Variants in BIRC6 observed in about 807,000 individuals in gnomAD.
BIRC6 encodes dual E2 ubiquitin-conjugating enzyme/E3 ubiquitin-protein ligase BIRC6.
Under a neutral mutation model 503.3 loss-of-function variants are expected in BIRC6, and 98 were observed. That is an observed-to-expected ratio of 0.19 (90% CI 0.17 to 0.23). The LOEUF is 0.23. Among genes scored for constraint, BIRC6 ranks in the 10% least tolerant of loss-of-function variants. BIRC6 has a pLI of 1.00. For synonymous variants in BIRC6, 2,240 were observed against 2,078.7 expected, an observed-to-expected ratio of 1.08 and a Z score of -2.11; for missense variants, 5,360 against 5,806.0, an observed-to-expected ratio of 0.92 and a Z score of 2.50.
intron 37 of BIRC6, 29 bp from the exon 38 acceptor site, chr2:32,481,291 C>T (rs747578102): frequency 1.2e-5 from 18 of 1,520,680 alleles, no homozygotes; most frequent in African/African-American, 1.4e-5. Flanking sequence ...ATACACTCCA[C>T]CAATAAGATC....
At chr2:32,530,621 C>CG (rs2056662984) in intron 60 of BIRC6, among the ~76,000 whole-genome samples, 1 of 320 alleles carries the variant, frequency 3.1e-3, no homozygotes, top group African/African-American at 0.012. Context: ...TGGTTGTTTC[C>CG]AATTTTTACT....
chr2:32,496,538 A>C lies in BIRC6; in HGVS notation c.8468+2871A>C, dbSNP rs139015181. Among the ~76,000 whole-genome samples the C allele has an allele frequency of 1.7e-3, 253 of 152,212 alleles. 2 individuals are homozygous for C. Among genetic ancestry groups the C allele is most frequent in the African/African-American group, 5.9e-3 (247 of 41,528 alleles). Reference sequence around the variant, plus strand: ...CACACCCAGCCTCATTTGTTCATACAGTGTATTATATAGAATTTATGTTTT... The same window carrying C: ...CACACCCAGCCTCATTTGTTCATACCGTGTATTATATAGAATTTATGTTTT... On this transcript the variant is annotated intron_variant, in intron 45 of 73. Coordinates refer to ENST00000421745, the MANE Select transcript of BIRC6 (RefSeq NM_016252.4).
chr2:32,547,321 T>C (rs2058120092), intron 63 of BIRC6, among the ~76,000 whole-genome samples: 1 of 152,188 alleles, frequency 6.6e-6, no homozygotes, highest in Non-Finnish European at 1.5e-5. Flanking sequence ...TATTTATGTG[T>C]TTATTGATTC....
chr2:32,515,862 T>C, intron 55 of BIRC6, 92 bp downstream of exon 55: 1 of 1,192,112 alleles, frequency 8.4e-7, no homozygotes, highest in Non-Finnish European at 1.1e-6. Context: ...TTAGTGAGGG[T>C]TGAGTGCCTT....
At chr2:32,511,567 T>C (rs2054457860) in intron 53 of BIRC6, among the ~76,000 whole-genome samples, 1 of 146,816 alleles carries the variant, frequency 6.8e-6, no homozygotes. Flanking sequence ...CCTGACCTCA[T>C]GATCCGCCCA....
In BIRC6 at chr2:32,464,615, C is replaced by T. The variant is rs764117457; in HGVS notation, c.5048C>T (p.Ala1683Val). 3.7e-6 allele frequency: 6 copies of T among 1,613,374 alleles called. No homozygotes were observed. The highest frequency in any genetic ancestry group is 5.1e-6 in the Non-Finnish European group (6 of 1,179,824). Residue 1683 changes from alanine to valine, a missense_variant, in exon 25 of 74, where the codon GCC becomes GTC. By Grantham distance (64) the Ala-to-Val change is moderately conservative. Transcript: ENST00000421745. ...TCTGTGCCTTCCAACCCAGTGGCTG[C>T]CCCTGGATTCTTCATTCATCCATCT... ...HNSVPSNPVA[A>V]PGFFIHPSDV...
At chr2:32,583,805 A>T (rs1297341557) in intron 66 of BIRC6, among the ~76,000 whole-genome samples, 1 of 152,144 alleles carries the variant, frequency 6.6e-6, no homozygotes, top group Non-Finnish European at 1.5e-5. Flanking sequence ...ATCTTGGCTC[A>T]CTGCAGCCTC....
intron 10 of BIRC6, among the ~76,000 whole-genome samples, chr2:32,417,344 A>G (rs893697049): frequency 6.6e-6 from 1 of 152,052 alleles, no homozygotes; most frequent in Non-Finnish European, 1.5e-5. Flanking sequence ...GGATTTCGCC[A>G]TGTTGCTCAG....
At chr2:32,582,617 T>C (rs1458729533) in intron 66 of BIRC6, among the ~76,000 whole-genome samples, 1 of 151,932 alleles carries the variant, frequency 6.6e-6, no homozygotes, top group Non-Finnish European at 1.5e-5. Context: ...ACAAAACAAT[T>C]AGCTGCGTGT....
In BIRC6 at chr2:32,478,776, G is replaced by T; in HGVS notation, c.7210G>T (p.Ala2404Ser). ...RGDISWGGAW[A>S]QYSLTCMLQD... Reference sequence around the variant, plus strand: ...AGATATATCTTGGGGTGGTGCTTGGGCTCAGTATTCCTTAACTTGCATGCT... The same window carrying T: ...AGATATATCTTGGGGTGGTGCTTGGTCTCAGTATTCCTTAACTTGCATGCT... The change falls in exon 36 of 74, where the codon GCT (alanine) becomes TCT (serine). Residue 2404 changes from alanine to serine, a missense_variant. By Grantham distance (99) the Ala-to-Ser change is moderately conservative. Coordinates refer to ENST00000421745, the MANE Select transcript of BIRC6 (RefSeq NM_016252.4). 6.2e-7 allele frequency: 1 copy of T among 1,613,550 alleles called. No individual in the cohort carries two copies. The highest frequency in any genetic ancestry group is 2.2e-5 in the East Asian group (1 of 44,840).
At chr2:32,495,482 C>T (rs2052332279) in intron 45 of BIRC6, among the ~76,000 whole-genome samples, 1 of 152,170 alleles carries the variant, frequency 6.6e-6, no homozygotes. Context: ...ATAATATACA[C>T]TGAAAGAAAT....
intron 10 of BIRC6, among the ~76,000 whole-genome samples, chr2:32,425,521 T>G (rs2043392863): frequency 6.6e-6 from 1 of 152,000 alleles, no homozygotes; most frequent in South Asian, 2.1e-4. Context: ...CAGAACTTTC[T>G]GAGTATTGTA....
chr2:32,529,511 G>A (rs1228546546), intron 59 of BIRC6, 140 bp from the exon 60 acceptor site: 9 of 689,638 alleles, frequency 1.3e-5, no homozygotes, highest in Non-Finnish European at 1.3e-5. Flanking sequence ...ACTTTCCAAT[G>A]GCTGTTGAAT....
At chr2:32,497,771 T>C (rs999655846) in intron 45 of BIRC6, among the ~76,000 whole-genome samples, 1 of 152,172 alleles carries the variant, frequency 6.6e-6, no homozygotes, top group Non-Finnish European at 1.5e-5. Flanking sequence ...AGATTATTTC[T>C]TCTTTTCTAC....
rs777885597 is a variant in BIRC6 at position 32,515,018 on chromosome 2, C to G, written c.10597C>G (p.Pro3533Ala). 6.2e-7 allele frequency: 1 copy of G among 1,613,708 alleles called. No homozygotes were observed. The highest frequency in any genetic ancestry group is 8.5e-7 in the Non-Finnish European group (1 of 1,179,718). ...ACTTTTTAATTGGTCCATGTCTCTT[C>G]CCTGCAATATGGTTTTGAAGAAAGC... ...ELLFNWSMSL[P>A]CNMVLKKAVD... Residue 3533 changes from proline (P) to alanine (A), a missense_variant, in exon 55 of 74, where the codon CCC becomes GCC. Coordinates refer to ENST00000421745, the MANE Select transcript of BIRC6 (RefSeq NM_016252.4).
At position 32,453,955 on chromosome 2, in the gene BIRC6, G is replaced by C; in HGVS notation, c.4753+13G>C. On this transcript the variant is annotated intron_variant, in intron 23 of 73. Transcript: ENST00000421745. ...AGGGATGATGCAAGTACGTTTACTG[G>C]TATATACCTTCTTTTATTATATACT... 6.3e-7 allele frequency: 1 copy of C among 1,599,702 alleles called. No homozygotes were observed. The highest frequency in any genetic ancestry group is 1.7e-4 in the Middle Eastern group (1 of 6,014).
intron 21 of BIRC6, among the ~76,000 whole-genome samples, chr2:32,446,952 C>T (rs1196204448): frequency 9.3e-6 from 1 of 107,898 alleles, no homozygotes; most frequent in African/African-American, 3.6e-5. Context: ...GTGGTGATGA[C>T]TCTTAACGAG....
intron 57 of BIRC6, among the ~76,000 whole-genome samples, chr2:32,520,335 T>C (rs1277356718): frequency 1.3e-5 from 2 of 152,192 alleles, no homozygotes; most frequent in African/African-American, 4.8e-5. Context: ...CGTAATTCTT[T>C]CCTACCGTTT....
At chr2:32,599,954 C>T (rs2061938667) in intron 70 of BIRC6, 54 bp downstream of exon 70, 1 of 1,538,754 alleles carries the variant, frequency 6.5e-7, no homozygotes, top group Non-Finnish European at 8.8e-7. Context: ...TACAAAGGTT[C>T]TTTGTAATTT....
Sources: allele counts gnomAD v4.1 joint callset (sites outside exome capture counted in the v4.1 genomes callset), GRCh38; gene constraint gnomAD v4.1.1; transcripts MANE v1.5; gene names NCBI Gene and HGNC (gene_info 2026-07-23, HGNC 2026-07-21).